MTUS1: variants seen among roughly 807,000 people sequenced by gnomAD.
MTUS1 encodes microtubule-associated tumor suppressor 1.
Under a neutral mutation model 120.8 loss-of-function variants are expected in MTUS1, and 109 were observed. That is an observed-to-expected ratio of 0.90 (90% CI 0.77 to 1.06). The LOEUF (loss-of-function observed/expected upper bound fraction) is 1.06. MTUS1 is among the 50% of genes least tolerant of loss of function. The probability of loss-of-function intolerance (pLI) is 0.00; values close to 1 mark genes in which losing one functional copy is unlikely to be tolerated. For missense variants in MTUS1, 2,210 were observed against 1,486.3 expected, an observed-to-expected ratio of 1.49 and a Z score of -8.01; for synonymous variants, 737 against 550.5, an observed-to-expected ratio of 1.34 and a Z score of -4.74.
At chr8:17,748,068 G>A (rs2047906211) in intron 2 of MTUS1, 10 of 152,148 alleles carry the variant, frequency 6.6e-5, no homozygotes, top group Admixed American at 6.5e-4. Flanking sequence ...CAAGATTTGG[G>A]TGGGGACACA....
intron 12 of MTUS1, among the ~76,000 whole-genome samples, chr8:17,650,776 G>A (rs948393240): frequency 1.3e-5 from 2 of 152,194 alleles, no homozygotes; most frequent in African/African-American, 2.4e-5. Flanking sequence ...CACCATCAGT[G>A]TGGATTTCCC....
At chr8:17,693,868 C>G (rs539987064) in intron 6 of MTUS1, among the ~76,000 whole-genome samples, 1 of 152,308 alleles carries the variant, frequency 6.6e-6, no homozygotes, top group African/African-American at 2.4e-5. Flanking sequence ...GTACACAGTA[C>G]TCATCTAACG....
chr8:17,745,202 G>A (rs530716577), intron 2 of MTUS1, among the ~76,000 whole-genome samples: 5 of 152,294 alleles, frequency 3.3e-5, no homozygotes, highest in African/African-American at 9.6e-5. Flanking sequence ...CTAAGTGAAC[G>A]TGTACAGTTG....
At chr8:17,730,354 G>A (rs1050220474) in intron 3 of MTUS1, among the ~76,000 whole-genome samples, 11 of 152,102 alleles carry the variant, frequency 7.2e-5, no homozygotes, top group Non-Finnish European at 1.2e-4. Context: ...GCATGGTGGC[G>A]GGCACCTGTA....
chr8:17,660,500 G>A (rs903010046), intron 8 of MTUS1, among the ~76,000 whole-genome samples: 1 of 152,130 alleles, frequency 6.6e-6, no homozygotes, highest in Non-Finnish European at 1.5e-5. Context: ...AACACCGGGG[G>A]ACAAATACAT....
intron 6 of MTUS1, among the ~76,000 whole-genome samples, chr8:17,690,976 T>C (rs1235082274): frequency 8.2e-6 from 1 of 121,674 alleles, no homozygotes; most frequent in African/African-American, 3.0e-5. Flanking sequence ...AAAGAGGCTT[T>C]AAAGCTCATA....
chr8:17,771,829 A>G (rs1036235592), intron 1 of MTUS1, among the ~76,000 whole-genome samples: 2 of 152,246 alleles, frequency 1.3e-5, no homozygotes, highest in African/African-American at 4.8e-5. Flanking sequence ...GAGTTCATTT[A>G]ACCCAATCTA....
intron 8 of MTUS1, among the ~76,000 whole-genome samples, chr8:17,662,722 G>A (rs1211508420): frequency 6.6e-6 from 1 of 151,844 alleles, no homozygotes; most frequent in African/African-American, 2.4e-5. Flanking sequence ...AACACCAACA[G>A]ACCACCATCT....
chr8:17,654,036 A>T (rs1440513588), intron 10 of MTUS1: 2 of 159,884 alleles, frequency 1.3e-5, no homozygotes, highest in Admixed American at 1.2e-4. Context: ...GGTTCTTAGC[A>T]CTCATCCACG....
At chr8:17,733,093 G>A (rs568647976) in intron 3 of MTUS1, among the ~76,000 whole-genome samples, 7 of 152,220 alleles carry the variant, frequency 4.6e-5, no homozygotes, top group African/African-American at 9.6e-5. Flanking sequence ...CCTCACGCCC[G>A]TAATCCCAGC....
At chr8:17,720,160 C>A (rs181551882) in intron 4 of MTUS1, among the ~76,000 whole-genome samples, 25 of 152,224 alleles carry the variant, frequency 1.6e-4, no homozygotes, top group Non-Finnish European at 2.8e-4. Flanking sequence ...TCCTGGCCAA[C>A]ATGGTGAAAC....
intron 1 of MTUS1, among the ~76,000 whole-genome samples, chr8:17,783,033 G>C (rs773745769): frequency 6.6e-6 from 1 of 152,162 alleles, no homozygotes; most frequent in Admixed American, 6.5e-5. Context: ...AGCCAAGATC[G>C]TGCCATTGCA....
chr8:17,669,117 G>A (rs777459064), intron 8 of MTUS1, among the ~76,000 whole-genome samples: 1 of 152,166 alleles, frequency 6.6e-6, no homozygotes, highest in Non-Finnish European at 1.5e-5. Flanking sequence ...ATTCTAGATG[G>A]CAAGAAGAGG....
intron 6 of MTUS1, among the ~76,000 whole-genome samples, chr8:17,695,812 T>A (rs59182522): frequency 2.0e-5 from 3 of 152,038 alleles, no homozygotes; most frequent in Admixed American, 2.0e-4. Context: ...CAAAAAAGAA[T>A]AAAAAAGACC....
chr8:17,710,247 G>A (rs1435332589), intron 6 of MTUS1, among the ~76,000 whole-genome samples: 1 of 152,096 alleles, frequency 6.6e-6, no homozygotes, highest in Non-Finnish European at 1.5e-5. Flanking sequence ...TTTCTTTGTA[G>A]CACGTGATGC....
At chr8:17,737,286 G>A (rs1333891872) in intron 3 of MTUS1, among the ~76,000 whole-genome samples, 6 of 152,164 alleles carry the variant, frequency 3.9e-5, no homozygotes, top group Non-Finnish European at 5.9e-5. Flanking sequence ...GATTATCACA[G>A]TATCCCTACT....
rs532238694 is a variant in MTUS1 at position 17,725,168 on chromosome 8, C to A, written c.2288-1335G>T. ...TCCCAATGCTACCAGTACCACCTAA[C>A]TGAAGACTACCCAGAGTTGAAAAAG... is the stretch of plus-strand genomic sequence containing the variant. On this transcript the variant is annotated intron_variant, in intron 3 of 14. Transcript: ENST00000693296. Among the ~76,000 whole-genome samples, 25 of 152,288 alleles carry A rather than the reference C, an allele frequency of 1.6e-4. No homozygotes were observed. In the South Asian group the frequency reaches 4.4e-3, roughly 27 times the overall value.
intron 3 of MTUS1, among the ~76,000 whole-genome samples, chr8:17,724,583 G>A (rs948852763): frequency 6.6e-6 from 1 of 151,722 alleles, no homozygotes; most frequent in African/African-American, 2.4e-5. Flanking sequence ...ACTCTTTCTT[G>A]CAGTAAAAAT....
intron 8 of MTUS1, among the ~76,000 whole-genome samples, chr8:17,672,877 G>A (rs956920391): frequency 2.0e-5 from 3 of 152,188 alleles, no homozygotes; most frequent in Non-Finnish European, 4.4e-5. Context: ...CTCACTGGAG[G>A]TGCTGAATCC....
Sources: gnomAD v4.1 joint callset for allele counts (sites outside exome capture counted in the v4.1 genomes callset) on GRCh38, gnomAD v4.1.1 for gene constraint, MANE v1.5 for transcripts, NCBI Gene and HGNC (gene_info 2026-07-23, HGNC 2026-07-21) for gene names.